Variants in AZIN2 observed in about 807,000 individuals in gnomAD.
AZIN2 encodes ODC antizyme inhibitor-2.
A neutral mutation model predicts 47.8 loss-of-function variants in AZIN2; 28 were observed. The ratio of observed to expected loss-of-function variants is 0.59; its 90% CI spans 0.43 to 0.80. The LOEUF (loss-of-function observed/expected upper bound fraction) is 0.80. Among genes scored for constraint, AZIN2 ranks in the 30% least tolerant of loss-of-function variants. The pLI, the probability that AZIN2 is intolerant of heterozygous loss-of-function variation, is 0.00. For synonymous variants in AZIN2, 221 were observed against 239.4 expected, an observed-to-expected ratio of 0.92 and a Z score of 0.71; for missense variants, 535 against 582.5, an observed-to-expected ratio of 0.92 and a Z score of 0.84.
At chr1:33,162,820 C>T in the AZIN2 span, 3 of 152,288 alleles carry the variant, frequency 2.0e-5, no homozygotes, top group African/African-American at 7.2e-5. Flanking sequence ...AGCCATAGCT[C>T]TTGCAGGACA....
downstream of AZIN2, among the ~76,000 whole-genome samples, chr1:33,126,275 C>T (rs1420588759): frequency 6.6e-6 from 1 of 152,158 alleles, no homozygotes; most frequent in Non-Finnish European, 1.5e-5. Flanking sequence ...CTCTTACTTT[C>T]TATTCCTTCA....
chr1:33,148,021 G>T, the AZIN2 span, among the ~76,000 whole-genome samples: 1 of 152,166 alleles, frequency 6.6e-6, no homozygotes, highest in African/African-American at 2.4e-5. Context: ...AATGTTTGTT[G>T]AATTAACCAG....
downstream of AZIN2, among the ~76,000 whole-genome samples, chr1:33,128,358 C>T (rs866020916): frequency 2.0e-5 from 3 of 152,172 alleles, no homozygotes; most frequent in African/African-American, 7.2e-5. Flanking sequence ...GTTTGGGCAA[C>T]AGAGTGAGAC....
chr1:33,133,308 G>C, the AZIN2 span, among the ~76,000 whole-genome samples: 1 of 152,236 alleles, frequency 6.6e-6, no homozygotes, highest in Non-Finnish European at 1.5e-5. Flanking sequence ...AAGAGAGGAA[G>C]GAGAGTTTCT....
At chr1:33,117,517 G>T (rs1272158051) in intron 10 of AZIN2, among the ~76,000 whole-genome samples, 1 of 152,214 alleles carries the variant, frequency 6.6e-6, no homozygotes, top group Non-Finnish European at 1.5e-5. Context: ...CTGACTTTCT[G>T]TGCACCCTCG....
intron 5 of AZIN2, among the ~76,000 whole-genome samples, chr1:33,085,235 A>G (rs1313868185): frequency 1.3e-5 from 2 of 151,898 alleles, no homozygotes; most frequent in African/African-American, 2.4e-5. Context: ...TGTTTACAAA[A>G]AAAAAAAAAA....
intron 5 of AZIN2, among the ~76,000 whole-genome samples, chr1:33,090,086 G>A (rs115467423): frequency 0.027 from 4,093 of 152,248 alleles, 188 homozygotes; most frequent in African/African-American, 0.093. Context: ...AACTACGGAT[G>A]GAAGGCCAAA....
intron 8 of AZIN2, 21 bp downstream of exon 8, chr1:33,094,734 G>A: frequency 6.2e-7 from 1 of 1,613,086 alleles, no homozygotes; most frequent in Non-Finnish European, 8.5e-7. Flanking sequence ...AGCTGGGAGT[G>A]TCATGCTGGG....
chr1:33,093,428 G>A lies in AZIN2; in HGVS notation c.587+12G>A, dbSNP rs189540291. On this transcript the variant is annotated intron_variant, in intron 7 of 11. Coordinates refer to ENST00000294517, the MANE Select transcript of AZIN2 (RefSeq NM_052998.4). The stretch of plus-strand genomic sequence containing the variant: ...GTGGTGGGTGTGAGGTGAGCACTGG[G>A]AACCCCTGCCATCCCCTCCCACACC... 1.3e-4 allele frequency: 217 copies of A among 1,611,808 alleles called. 1 individual carries two copies. The East Asian group carries it at 4.6e-3, about 34-fold the overall frequency.
chr1:33,137,253 G>C, the AZIN2 span, among the ~76,000 whole-genome samples: 1 of 152,122 alleles, frequency 6.6e-6, no homozygotes, highest in African/African-American at 2.4e-5. Flanking sequence ...CACAGCCCTG[G>C]GTTCAAATGT....
chr1:33,141,028 T>C, the AZIN2 span, among the ~76,000 whole-genome samples: 1 of 152,160 alleles, frequency 6.6e-6, no homozygotes, highest in East Asian at 1.9e-4. Context: ...CTGCTGTCTT[T>C]GCATCTGTGT....
chr1:33,095,230 C>T (rs757495845), intron 8 of AZIN2, among the ~76,000 whole-genome samples: 1 of 152,164 alleles, frequency 6.6e-6, no homozygotes, highest in Admixed American at 6.5e-5. Flanking sequence ...TCGGGAATAC[C>T]GACATGTAGG....
At position 33,089,390 on chromosome 1, in the gene AZIN2, G is replaced by C. The variant is rs779527764; in HGVS notation, c.280-2660G>C. Among the ~76,000 whole-genome samples, 12 of 152,218 alleles carry C rather than the reference G, an allele frequency of 7.9e-5. No homozygotes were observed. In the South Asian group the frequency reaches 8.3e-4, roughly 11 times the overall value. On this transcript the variant is annotated intron_variant, in intron 5 of 11. Coordinates refer to ENST00000294517, the MANE Select transcript of AZIN2 (RefSeq NM_052998.4). ...AGGCAGGAGGACTGCTTGAGCCCAGGAGTTCGAAACCAGCCTGGGCAATGT... is the reference window on the plus strand; with the variant it reads ...AGGCAGGAGGACTGCTTGAGCCCAGCAGTTCGAAACCAGCCTGGGCAATGT...
chr1:33,105,271 A>T (rs1443442246), intron 10 of AZIN2, among the ~76,000 whole-genome samples: 1 of 152,186 alleles, frequency 6.6e-6, no homozygotes, highest in African/African-American at 2.4e-5. Flanking sequence ...TTAAAGTTTT[A>T]TATATTGTGA....
intron 10 of AZIN2, among the ~76,000 whole-genome samples, chr1:33,111,695 A>G (rs1644295515): frequency 6.6e-6 from 1 of 150,584 alleles, no homozygotes; most frequent in Non-Finnish European, 1.5e-5. Context: ...TCTGCCTCCC[A>G]GGTCCAAGCA....
Position 33,120,488 on chromosome 1 carries a change from A to G in AZIN2, c.*306A>G, listed in dbSNP as rs1644771026. The G allele has an allele frequency of 9.4e-6, 3 of 319,634 alleles. No homozygotes were observed. The allele number at this position is 319,634 out of a possible 1,614,324, so 19.8% of individuals were successfully genotyped here. On this transcript the variant is annotated 3_prime_UTR_variant, in exon 12 of 12. Coordinates refer to ENST00000294517, the MANE Select transcript of AZIN2 (RefSeq NM_052998.4). ...CTTTGGTCTCCTTCCCACCTTTGTAAATATAATGCAAATAAATAAATATTT... is the reference window on the plus strand; with the variant it reads ...CTTTGGTCTCCTTCCCACCTTTGTAGATATAATGCAAATAAATAAATATTT...
chr1:33,150,513 T>TAC, the AZIN2 span, among the ~76,000 whole-genome samples: 1 of 152,224 alleles, frequency 6.6e-6, no homozygotes, highest in South Asian at 2.1e-4. Flanking sequence ...CCTTTGGACT[T>TAC]AGAGGGCTGT....
intron 10 of AZIN2, among the ~76,000 whole-genome samples, chr1:33,111,838 T>C (rs1644304339): frequency 6.6e-6 from 1 of 151,958 alleles, no homozygotes; most frequent in Non-Finnish European, 1.5e-5. Context: ...CTCCTGACCT[T>C]GTGATCCACC....
chr1:33,130,802 G>A, the AZIN2 span, among the ~76,000 whole-genome samples: 1 of 152,232 alleles, frequency 6.6e-6, no homozygotes, highest in African/African-American at 2.4e-5. Flanking sequence ...AGAGGGTGGT[G>A]GTTGTAGGCC....
Sources: allele counts gnomAD v4.1 joint callset (sites outside exome capture counted in the v4.1 genomes callset), GRCh38; gene constraint gnomAD v4.1.1; transcripts MANE v1.5; gene names NCBI Gene and HGNC (gene_info 2026-07-23, HGNC 2026-07-21).